MAGEC3: variants seen among roughly 807,000 people sequenced by gnomAD.
MAGEC3 encodes the protein melanoma-associated antigen C3.
In MAGEC3, 34 loss-of-function variants were observed where a neutral mutation model predicts 35.3. That is an observed-to-expected ratio of 0.96 (90% CI 0.73 to 1.28). The LOEUF (loss-of-function observed/expected upper bound fraction) is 1.28. Among genes scored for constraint, MAGEC3 ranks in the 50% most tolerant of loss-of-function variants. MAGEC3 has a pLI of 0.00. For missense variants in MAGEC3, 561 were observed against 483.6 expected, an observed-to-expected ratio of 1.16 and a Z score of -1.50; for synonymous variants, 202 against 185.6, an observed-to-expected ratio of 1.09 and a Z score of -0.72.
chrX:141,869,244 A>G (rs1208494632), intron 2 of MAGEC3, among the ~76,000 whole-genome samples: 1 of 110,503 alleles, frequency 9.0e-6, no homozygotes, highest in Non-Finnish European at 1.9e-5. Context: ...TAAAATAACC[A>G]GTTTTTTTTT....
At position 141,895,565 on chromosome X, in the gene MAGEC3, A is replaced by G. The variant is rs752469970; in HGVS notation, c.1123+6A>G. On this transcript the variant is annotated splice_donor_region_variant and intron_variant, in intron 6 of 7. Transcript: ENST00000298296. ...ACAACAGAAGAAGGGAGGAGGTGCC[A>G]GCCCTCTAGGGAATAAATAGGAAGA... 1 of 1,197,236 alleles carries G rather than the reference A, an allele frequency of 8.4e-7. No individual in the cohort carries two copies. The highest frequency in any genetic ancestry group is 1.8e-5 in the South Asian group (1 of 55,455).
At chrX:141,849,262 A>C (rs2124085767) in intron 1 of MAGEC3, among the ~76,000 whole-genome samples, 1 of 111,200 alleles carries the variant, frequency 9.0e-6, no homozygotes, top group East Asian at 2.8e-4. Flanking sequence ...ACCATTCATT[A>C]AATATATAGA....
chrX:141,838,969 C>A, intron 1 of MAGEC3: 1 of 476,481 alleles, frequency 2.1e-6, no homozygotes, highest in Non-Finnish European at 2.6e-6. Flanking sequence ...GTGTGAGGGA[C>A]CCAGCGGGAG....
At position 141,895,278 on chromosome X, in the gene MAGEC3, G is replaced by C; in HGVS notation, c.919G>C (p.Ala307Pro). Residue 307 changes from alanine (A) to proline (P), a missense_variant, in exon 5 of 8, where the codon GCC becomes CCC. Physicochemically the swap from Ala to Pro is conservative, Grantham distance 27 (BLOSUM62 -1). Coordinates refer to ENST00000298296, the MANE Select transcript of MAGEC3 (RefSeq NM_138702.1). ...CTGCCTCTGCTGTCAGCCCTGGTCA[G>C]CCTTGGCAGGGTTCGCGGATGTGCT... ...EVLNAIGPWS[A>P]LAGFADVLSR... 1 of 1,209,980 alleles carries C rather than the reference G, an allele frequency of 8.3e-7. No homozygotes were observed. The highest frequency in any genetic ancestry group is 3.0e-5 in the East Asian group (1 of 33,649).
Position 141,897,471 on chromosome X carries a change from G to T in MAGEC3, c.1713G>T (p.Val571=). The change falls in exon 7 of 8, where the codon GTG becomes GTT. Residue 571 remains valine, a synonymous_variant. Transcript: ENST00000298296. ...SCVPEEVIWE[V]LSAIGPIQRP... is the part of the protein sequence containing the mutation. Reference sequence around the variant, plus strand: ...TCCCCGAGGAGGTCATCTGGGAAGTGTTGAGTGCAATAGGGGTGTGTGCTG... The same window carrying T: ...TCCCCGAGGAGGTCATCTGGGAAGTTTTGAGTGCAATAGGGGTGTGTGCTG... 5.0e-6 allele frequency: 6 copies of T among 1,208,298 alleles called. No individual in the cohort carries two copies. Among genetic ancestry groups the T allele is most frequent in the Non-Finnish European group, 5.6e-6 (5 of 893,985 alleles).
intron 2 of MAGEC3, among the ~76,000 whole-genome samples, chrX:141,872,136 T>C (rs2017892247): frequency 9.0e-6 from 1 of 111,251 alleles, no homozygotes; most frequent in Non-Finnish European, 1.9e-5. Context: ...ATAGAGAACC[T>C]CTTGCCATTT....
intron 4 of MAGEC3, among the ~76,000 whole-genome samples, chrX:141,891,979 C>G (rs1423702378): frequency 9.1e-6 from 1 of 109,866 alleles, no homozygotes; most frequent in Non-Finnish European, 1.9e-5. Context: ...GAAATTTGGA[C>G]ATAGAGATAT....
chrX:141,881,575 C>G lies in MAGEC3; in HGVS notation c.688C>G (p.Arg230Gly). ...CTTTCCTATGATCTTCAGGAAAGCCCGTGAGTTCATAGAGATTCTTTTTGG... is the reference window on the plus strand; with the variant it reads ...CTTTCCTATGATCTTCAGGAAAGCCGGTGAGTTCATAGAGATTCTTTTTGG... Reference protein sequence around the residue: ...GYFPMIFRKAREFIEILFGIS... With the variant: ...GYFPMIFRKAGEFIEILFGIS... Residue 230 changes from arginine to glycine, a missense_variant, in exon 4 of 8, where the codon CGT becomes GGT. Transcript: ENST00000298296. The G allele has an allele frequency of 8.3e-7, 1 of 1,210,777 alleles. No homozygotes were observed. Among genetic ancestry groups the G allele is most frequent in the Non-Finnish European group, 1.1e-6 (1 of 895,061 alleles).
chrX:141,878,201 G>C, intron 2 of MAGEC3, among the ~76,000 whole-genome samples: 1 of 111,412 alleles, frequency 9.0e-6, no homozygotes, highest in East Asian at 2.8e-4. Flanking sequence ...GTCATGATTT[G>C]ATGTAGGTAA....
At chrX:141,838,690 G>A in intron 1 of MAGEC3, 1 of 754,264 alleles carries the variant, frequency 1.3e-6, no homozygotes, top group Non-Finnish European at 1.6e-6. Flanking sequence ...ATGCCACTGG[G>A]CTCCAGGACA....
At chrX:141,881,004 C>T (rs1030944321) in intron 3 of MAGEC3, 12 of 495,815 alleles carry the variant, frequency 2.4e-5, no homozygotes, top group East Asian at 8.5e-5. Flanking sequence ...ATGTTCCTAG[C>T]GGCAACTTTG....
chrX:141,889,923 T>C (rs2018028915), intron 4 of MAGEC3, among the ~76,000 whole-genome samples: 1 of 112,879 alleles, frequency 8.9e-6, no homozygotes, highest in Non-Finnish European at 1.9e-5. Flanking sequence ...TCTCCTTCTT[T>C]TCTTTAGTTA....
intron 3 of MAGEC3, 88 bp from the exon 4 acceptor site, chrX:141,881,315 C>T: frequency 9.2e-7 from 1 of 1,090,732 alleles, no homozygotes; most frequent in Non-Finnish European, 1.2e-6. Context: ...CTCCAGGGTT[C>T]CCTGTCCTGC....
intron 4 of MAGEC3, among the ~76,000 whole-genome samples, chrX:141,893,521 C>T (rs1157421377): frequency 9.1e-6 from 1 of 110,154 alleles, no homozygotes; most frequent in African/African-American, 3.3e-5. Context: ...CTACAGCATC[C>T]CCAACGTTGA....
chrX:141,886,224 CTTAA>C (rs374394077), intron 4 of MAGEC3, among the ~76,000 whole-genome samples: 7 of 110,582 alleles, frequency 6.3e-5, no homozygotes, highest in African/African-American at 2.3e-4. Context: ...TGCATTCCTA[CTTAA>C]TTTATACAAG....
intron 1 of MAGEC3, among the ~76,000 whole-genome samples, chrX:141,856,880 G>A (rs1186876473): frequency 8.9e-6 from 1 of 111,827 alleles, no homozygotes; most frequent in Non-Finnish European, 1.9e-5. Flanking sequence ...ACCACAATTT[G>A]GCTTTCATTA....
chrX:141,864,823 A>G (rs1205560598), intron 1 of MAGEC3, among the ~76,000 whole-genome samples: 2 of 112,191 alleles, frequency 1.8e-5, no homozygotes, highest in Non-Finnish European at 3.8e-5. Context: ...AAATTTCCAG[A>G]TAGTGACTGC....
chrX:141,839,619 T>C (rs904509770), intron 1 of MAGEC3: 21 of 751,676 alleles, frequency 2.8e-5, no homozygotes, highest in Non-Finnish European at 3.1e-5. Flanking sequence ...AACAAGTGTT[T>C]ATTCATTATA....
chrX:141,884,452 A>T, intron 4 of MAGEC3, among the ~76,000 whole-genome samples: 1 of 111,196 alleles, frequency 9.0e-6, no homozygotes, highest in Middle Eastern at 4.7e-3. Context: ...GGGAGTTAAT[A>T]AACTCCATAA....
Sources: allele counts gnomAD v4.1 joint callset (sites outside exome capture counted in the v4.1 genomes callset), GRCh38; gene constraint gnomAD v4.1.1; transcripts MANE v1.5; gene names NCBI Gene and HGNC (gene_info 2026-07-23, HGNC 2026-07-21).